The following CLVS1 variants were observed in gnomAD, a reference collection of about 807,000 sequenced individuals.
CLVS1 encodes clavesin-1.
In CLVS1, 10 loss-of-function variants were observed where a neutral mutation model predicts 33.1. That is an observed-to-expected ratio of 0.30 (90% confidence interval 0.19 to 0.51). The LOEUF (loss-of-function observed/expected upper bound fraction) is 0.51, where lower values mean the gene tolerates loss of function less well. CLVS1 is among the 20% of genes least tolerant of loss of function. The pLI is 0.97. For missense variants in CLVS1, 343 were observed against 433.4 expected (o/e 0.79, Z 1.85); for synonymous variants, 163 against 166.1 (o/e 0.98, Z 0.14).
At chr8:61,217,819 C>T (rs928930463) in intron 2 of CLVS1, among the ~76,000 whole-genome samples, 1 of 151,922 alleles carries the variant, frequency 6.6e-6, no homozygotes, top group Non-Finnish European at 1.5e-5. Context: ...AGCAAAAAAC[C>T]CCAATTTAAA....
chr8:61,202,845 T>G, intron 2 of CLVS1: 1 of 998,442 alleles, frequency 1.0e-6, no homozygotes, highest in Non-Finnish European at 1.6e-6. Flanking sequence ...AAGATGATGA[T>G]GATGATGAAG....
chr8:61,197,457 T>C (rs2129304138), intron 2 of CLVS1, among the ~76,000 whole-genome samples: 1 of 152,288 alleles, frequency 6.6e-6, no homozygotes, highest in African/African-American at 2.4e-5. Flanking sequence ...ATACTGTAGC[T>C]CTATAGTATA....
chr8:61,219,219 A>G (rs1808158063), intron 2 of CLVS1, among the ~76,000 whole-genome samples: 1 of 152,012 alleles, frequency 6.6e-6, no homozygotes, highest in Non-Finnish European at 1.5e-5. Flanking sequence ...TGCGCAGAAC[A>G]TGCAGGTCTG....
intron 2 of CLVS1, among the ~76,000 whole-genome samples, chr8:61,301,607 CT>C (rs759622900): frequency 1.2e-4 from 18 of 152,298 alleles, no homozygotes; most frequent in Non-Finnish European, 2.2e-4. Flanking sequence ...CACCTGAGAA[CT>C]TTGCATGGTA....
intron 1 of CLVS1, among the ~76,000 whole-genome samples, chr8:61,294,974 A>T (rs1810139865): frequency 6.6e-6 from 1 of 152,220 alleles, no homozygotes; most frequent in Non-Finnish European, 1.5e-5. Flanking sequence ...TGAAATATAC[A>T]ACTAGAATCT....
chr8:60,968,546 G>C, the CLVS1 span, among the ~76,000 whole-genome samples: 2 of 150,244 alleles, frequency 1.3e-5, no homozygotes, highest in Non-Finnish European at 3.0e-5. Flanking sequence ...TTTATAACCT[G>C]TATGAGTTTA....
intron 2 of CLVS1, among the ~76,000 whole-genome samples, chr8:61,348,484 AAATAAT>A (rs889268263): frequency 4.6e-5 from 7 of 152,222 alleles, no homozygotes; most frequent in Admixed American, 2.6e-4. Context: ...GTATAATAAA[AAATAAT>A]AATAATAATA....
chr8:61,032,026 A>G, the CLVS1 span, among the ~76,000 whole-genome samples: 1 of 152,228 alleles, frequency 6.6e-6, no homozygotes, highest in Non-Finnish European at 1.5e-5. Context: ...ACAAAGAAAC[A>G]GGATCTTCAT....
chr8:61,068,227 G>GTA (rs761732435), intron 1 of CLVS1, among the ~76,000 whole-genome samples: 13,495 of 88,022 alleles, frequency 0.15, 1,064 homozygotes, highest in East Asian at 0.3. Context: ...ATGTATGTAT[G>GTA]TGTATATATA....
At chr8:61,246,578 A>G (rs1311191570) in intron 2 of CLVS1, among the ~76,000 whole-genome samples, 3 of 152,076 alleles carry the variant, frequency 2.0e-5, no homozygotes, top group Admixed American at 1.3e-4. Context: ...ACTTATCCAT[A>G]TATTTACCCT....
chr8:61,302,555 A>G (rs1810475737), intron 2 of CLVS1, among the ~76,000 whole-genome samples: 1 of 152,368 alleles, frequency 6.6e-6, no homozygotes, highest in East Asian at 1.9e-4. Flanking sequence ...CAACTGCAAT[A>G]GAATAATTCT....
In CLVS1 at chr8:61,392,429, A is replaced by AT. The variant is rs1245246477; in HGVS notation, c.630+15654dup. On this transcript the variant is annotated intron_variant, in intron 3 of 5. Transcript: ENST00000325897. ...CCCTCTTCCCTGCTCCAGTTATCTGATTTTCTCTGATTACAAATCAACTAT... is the reference window on the plus strand; with the variant it reads ...CCCTCTTCCCTGCTCCAGTTATCTGATTTTTCTCTGATTACAAATCAACTAT... Among the ~76,000 whole-genome samples, 6 of 152,048 alleles carry AT rather than the reference A, an allele frequency of 3.9e-5. 1 individual carries two copies. Among genetic ancestry groups the AT allele is most frequent in the African/African-American group, 1.4e-4 (6 of 41,394 alleles).
intron 2 of CLVS1, among the ~76,000 whole-genome samples, chr8:61,267,253 A>AT (rs2129592498): frequency 6.6e-6 from 1 of 151,900 alleles, no homozygotes; most frequent in South Asian, 2.1e-4. Flanking sequence ...CTAACTATCC[A>AT]TGTAATCAAA....
the CLVS1 span, among the ~76,000 whole-genome samples, chr8:60,974,394 C>T: frequency 6.6e-6 from 1 of 152,212 alleles, no homozygotes; most frequent in Non-Finnish European, 1.5e-5. Context: ...GAATCACCTA[C>T]TTGATTCCCA....
intron 1 of CLVS1, among the ~76,000 whole-genome samples, chr8:61,058,636 T>A (rs1311059247): frequency 6.6e-6 from 1 of 152,192 alleles, no homozygotes; most frequent in Non-Finnish European, 1.5e-5. Flanking sequence ...ATCACTACTG[T>A]CAAGATAGTG....
At chr8:61,349,281 AT>A (rs1446711688) in intron 2 of CLVS1, among the ~76,000 whole-genome samples, 1 of 152,128 alleles carries the variant, frequency 6.6e-6, no homozygotes, top group Non-Finnish European at 1.5e-5. Flanking sequence ...CATTAAAAAA[AT>A]TATTGCCCAG....
At chr8:61,091,275 C>T (rs183013695) in intron 1 of CLVS1, among the ~76,000 whole-genome samples, 2 of 152,270 alleles carry the variant, frequency 1.3e-5, no homozygotes, top group East Asian at 1.9e-4. Context: ...AACAGATTTC[C>T]CCCAGGGCCT....
At chr8:61,481,966 C>A (rs996129524) in intron 5 of CLVS1, among the ~76,000 whole-genome samples, 1 of 152,208 alleles carries the variant, frequency 6.6e-6, no homozygotes, top group East Asian at 1.9e-4. Flanking sequence ...CCGACTGACA[C>A]CTCATACAGC....
In CLVS1 at chr8:61,196,632, G is replaced by C. The variant is rs1807615336; in HGVS notation, c.-152+64772G>C. ...CTACTGCCAGAGATAAGCTTCATAA[G>C]AGCAGACATTATCTCCAGCTTGAGT... On this transcript the variant is annotated intron_variant, in intron 2 of 2. Coordinates refer to the CLVS1 transcript ENST00000522621. Among the ~76,000 whole-genome samples the C allele has an allele frequency of 1.3e-5, 2 of 152,190 alleles. 1 individual carries two copies. Among genetic ancestry groups the C allele is most frequent in the South Asian group, 4.1e-4 (2 of 4,830 alleles).
Sources: allele counts gnomAD v4.1 joint callset (sites outside exome capture counted in the v4.1 genomes callset), GRCh38; gene constraint gnomAD v4.1.1; transcripts MANE v1.5; gene names NCBI Gene and HGNC (gene_info 2026-07-23, HGNC 2026-07-21).